Variants in MCF2L observed in about 807,000 individuals in gnomAD.
MCF2L encodes MCF.2 cell line derived transforming sequence like, also known as guanine nucleotide exchange factor DBS.
Under a neutral mutation model 153.4 loss-of-function variants are expected in MCF2L, and 97 were observed. That is an observed-to-expected ratio of 0.63 (90% CI 0.54 to 0.75). The LOEUF is 0.75. Ranked by LOEUF, MCF2L falls within the 30% of genes least tolerant of loss-of-function variation. MCF2L has a pLI of 0.00. For synonymous variants in MCF2L, 659 were observed against 632.2 expected, an observed-to-expected ratio of 1.04 and a Z score of -0.64; for missense variants, 1,347 against 1,495.2, an observed-to-expected ratio of 0.90 and a Z score of 1.64.
intron 15 of MCF2L, among the ~76,000 whole-genome samples, chr13:113,080,611 G>A (rs954310907): frequency 6.6e-6 from 1 of 152,256 alleles, no homozygotes; most frequent in African/African-American, 2.4e-5. Context: ...TGCGCAGCCA[G>A]CTTGTGCACC....
intron 2 of MCF2L, among the ~76,000 whole-genome samples, chr13:113,015,866 C>T (rs967048882): frequency 3.3e-5 from 5 of 152,194 alleles, no homozygotes; most frequent in Admixed American, 6.5e-5. Flanking sequence ...GGCTCCAATC[C>T]CCCTGTGTCG....
intron 26 of MCF2L, chr13:113,093,871 G>A: frequency 1.3e-5 from 2 of 152,448 alleles, no homozygotes; most frequent in East Asian, 3.9e-4. Context: ...ACTGGGTTGG[G>A]GAGGGGGGCA....
At chr13:113,013,288 C>T (rs1041144373) in intron 1 of MCF2L, among the ~76,000 whole-genome samples, 2 of 152,188 alleles carry the variant, frequency 1.3e-5, no homozygotes, top group African/African-American at 4.8e-5. Flanking sequence ...GACGTGGTTG[C>T]GTACTGGGAA....
chr13:113,061,101 G>A (rs1219570777), intron 5 of MCF2L, among the ~76,000 whole-genome samples: 2 of 152,188 alleles, frequency 1.3e-5, no homozygotes, highest in Non-Finnish European at 2.9e-5. Flanking sequence ...GCACCCCAGG[G>A]ATGAGAGAAG....
At chr13:112,954,580 C>T (rs987935818) in intron 2 of MCF2L, among the ~76,000 whole-genome samples, 1 of 152,216 alleles carries the variant, frequency 6.6e-6, no homozygotes, top group African/African-American at 2.4e-5. Flanking sequence ...GCGAGCCTCC[C>T]TCTGTGGCAT....
rs1037152012 is a variant in MCF2L, at chr13:112,989,768, C to T, written c.79+20310C>T. Among the ~76,000 whole-genome samples the T allele has an allele frequency of 9.8e-5, 15 of 152,368 alleles. No homozygotes were observed. The East Asian group carries it at 1.2e-3, about 12-fold the overall frequency. On this transcript the variant is annotated intron_variant, in intron 1 of 29. Coordinates refer to ENST00000535094, the MANE Select transcript of MCF2L (RefSeq NM_001112732.3). Reference sequence around the variant, plus strand: ...CCTTCCTGAGCTCTTAGACTCCATGCGAGTTCAGTGATGCTTTCTTTTCTA... The same window carrying T: ...CCTTCCTGAGCTCTTAGACTCCATGTGAGTTCAGTGATGCTTTCTTTTCTA...
At chr13:113,067,223 G>T (rs1479758813) in intron 8 of MCF2L, among the ~76,000 whole-genome samples, 3 of 151,864 alleles carry the variant, frequency 2.0e-5, no homozygotes, top group East Asian at 1.9e-4. Context: ...GGCAGAGGTC[G>T]CAGTGAGCCG....
intron 1 of MCF2L, among the ~76,000 whole-genome samples, chr13:112,995,970 C>T (rs1320130981): frequency 6.6e-6 from 1 of 152,160 alleles, no homozygotes; most frequent in East Asian, 1.9e-4. Flanking sequence ...ACAGCCCTGC[C>T]CTCACCCCAT....
intron 1 of MCF2L, chr13:112,902,112 T>C: frequency 2.0e-6 from 2 of 983,898 alleles, no homozygotes; most frequent in Non-Finnish European, 3.1e-6. Flanking sequence ...AGGTTGTAAC[T>C]AGTTATTTCG....
chr13:112,894,680 G>T (rs921897686), intron 1 of MCF2L, among the ~76,000 whole-genome samples: 13 of 152,156 alleles, frequency 8.5e-5, no homozygotes, highest in African/African-American at 3.1e-4. Flanking sequence ...AAATGGCAGT[G>T]GAGGAGACCC....
At chr13:113,016,629 GC>G (rs34221861) in intron 2 of MCF2L, among the ~76,000 whole-genome samples, 43,379 of 151,842 alleles carry the variant, frequency 0.29, 6,762 homozygotes, top group South Asian at 0.47. Flanking sequence ...GTCATATGCT[GC>G]CCCCGCGTCG....
chr13:112,932,994 GC>G lies in MCF2L; in HGVS notation c.169+30629del, dbSNP rs959149073. Among the ~76,000 whole-genome samples the G allele has an allele frequency of 2.0e-5, 3 of 152,058 alleles. No individual in the cohort carries two copies. Among genetic ancestry groups the G allele is most frequent in the Non-Finnish European group, 4.4e-5 (3 of 68,022 alleles). Reference sequence around the variant, plus strand: ...TTTAGTGAGGCAAGATTGTGCCACTGCCCCCCAACCTGGGTGACAGAGCAAG... The same window carrying G: ...TTTAGTGAGGCAAGATTGTGCCACTGCCCCCAACCTGGGTGACAGAGCAAG... On this transcript the variant is annotated intron_variant, in intron 2 of 29. Transcript: ENST00000375608. The surrounding 1 kb of genome is among the most constrained non-coding windows in gnomAD (Gnocchi z 4.6).
chr13:113,045,306 T>C lies in MCF2L; in HGVS notation c.314T>C (p.Ile105Thr), dbSNP rs1167850330. Residue 105 changes from isoleucine to threonine, a missense_variant, in exon 4 of 30, where the codon ATA becomes ACA. By Grantham distance (89) the Ile-to-Thr change is moderately conservative. Coordinates refer to ENST00000535094, the MANE Select transcript of MCF2L (RefSeq NM_001112732.3). This position sits in a 1 kb window ranked among gnomAD's most constrained non-coding sequence, Gnocchi z 4.2. ...GCTGGCATCGGATTCATCCTGGTGA[T>C]AGACCGGCGACGGGACAAATGGACC... ...QDAGIGFILVIDRRRDKWTSV... is the reference protein window; with the variant it reads ...QDAGIGFILVTDRRRDKWTSV... 2 of 1,614,076 alleles carry C rather than the reference T, an allele frequency of 1.2e-6. No individual in the cohort carries two copies. The highest frequency in any genetic ancestry group is 1.7e-6 in the Non-Finnish European group (2 of 1,180,022).
At chr13:113,017,986 G>A (rs1404425734) in intron 2 of MCF2L, among the ~76,000 whole-genome samples, 10 of 152,190 alleles carry the variant, frequency 6.6e-5, no homozygotes, top group Non-Finnish European at 1.2e-4. Flanking sequence ...TCCCTGCGAC[G>A]TTCGTGCCAG....
chr13:113,071,768 C>A (rs1169451899), intron 9 of MCF2L, among the ~76,000 whole-genome samples: 1 of 152,212 alleles, frequency 6.6e-6, no homozygotes, highest in Middle Eastern at 3.2e-3. Context: ...TTAATTGCTG[C>A]AACTATATAA....
chr13:113,023,820 A>G (rs1305506239), intron 2 of MCF2L, among the ~76,000 whole-genome samples: 1 of 151,842 alleles, frequency 6.6e-6, no homozygotes, highest in Non-Finnish European at 1.5e-5. Flanking sequence ...CCGCACCTCC[A>G]CCTCCCTGCC....
Position 112,961,104 on chromosome 13 carries a change from T to TCTGCTATGCCTCCATGTTGCAC in MCF2L, c.170-53645_170-53644insTGTTGCACCTGCTATGCCTCCA, listed in dbSNP as rs2081820242. Among the ~76,000 whole-genome samples, 4 of 75,112 alleles carry TCTGCTATGCCTCCATGTTGCAC rather than the reference T, an allele frequency of 5.3e-5. No homozygotes were observed. In the South Asian group the frequency reaches 1.5e-3, roughly 29 times the overall value. The allele number at this position is 75,112 out of a possible 152,430, so 49.3% of individuals were successfully genotyped here. A position where few individuals can be genotyped will look rare whatever the true frequency, so the allele number is the denominator to read the frequency against. ...GAGTCTGCTATGCCTCCACGTTGCA[T>TCTGCTATGCCTCCATGTTGCAC]CTGCTATGCCTCCACGTTGCACCTG... is the stretch of plus-strand genomic sequence containing the variant. On this transcript the variant is annotated intron_variant, in intron 2 of 29. Transcript: ENST00000375608.
In MCF2L at chr13:112,941,892, G is replaced by A. The variant is rs1174501943; in HGVS notation, c.169+39521G>A. Among the ~76,000 whole-genome samples the A allele has an allele frequency of 1.3e-5, 2 of 152,206 alleles. No homozygotes were observed. The highest frequency in any genetic ancestry group is 2.9e-5 in the Non-Finnish European group (2 of 68,042). ...GGGACATAGTGAGAAGTGATCAGAA[G>A]ACAAGAGTGCGAGCCTTCTATTATG... On this transcript the variant is annotated intron_variant, in intron 2 of 29. Coordinates refer to the MCF2L transcript ENST00000375608. This position sits in a 1 kb window ranked among gnomAD's most constrained non-coding sequence, Gnocchi z 4.9.
At chr13:113,009,614 C>G (rs2083947161) in intron 1 of MCF2L, 1 of 152,172 alleles carries the variant, frequency 6.6e-6, no homozygotes, top group Admixed American at 6.5e-5. Flanking sequence ...AGGAGCTTGT[C>G]TGGAGGGGAC....
Sources: gnomAD v4.1 joint callset for allele counts (sites outside exome capture counted in the v4.1 genomes callset) on GRCh38, gnomAD v4.1.1 for gene constraint, Gnocchi (gnomAD v3.1) non-coding constraint, MANE v1.5 for transcripts, NCBI Gene and HGNC (gene_info 2026-07-23, HGNC 2026-07-21) for gene names.